SYT13: variants seen among roughly 807,000 people sequenced by gnomAD.
SYT13 encodes the protein synaptotagmin-13.
In SYT13, 21 loss-of-function variants were observed where a neutral mutation model predicts 38.6. The ratio of observed to expected loss-of-function variants is 0.54; its 90% confidence interval spans 0.39 to 0.78. SYT13 has a LOEUF of 0.78. Among genes scored for constraint, SYT13 ranks in the 30% least tolerant of loss-of-function variants. SYT13 has a pLI of 0.00. For synonymous variants in SYT13, 241 were observed against 237.6 expected (o/e 1.01, Z -0.13); for missense variants, 495 against 548.7 (o/e 0.90, Z 0.98).
At chr11:45,269,335 A>C (rs1854921526) in intron 1 of SYT13, 1 of 810,664 alleles carries the variant, frequency 1.2e-6, no homozygotes, top group Non-Finnish European at 1.6e-6. Flanking sequence ...AAACAAACAA[A>C]AAAACAAAAC....
intron 1 of SYT13, among the ~76,000 whole-genome samples, chr11:45,266,363 T>A (rs1342826430): frequency 6.6e-6 from 1 of 152,204 alleles, no homozygotes; most frequent in African/African-American, 2.4e-5. Context: ...TCTTACAAAT[T>A]CATATGAGTC....
At chr11:45,250,469 G>A (rs2863177) in intron 4 of SYT13, among the ~76,000 whole-genome samples, 2,014 of 152,350 alleles carry the variant, frequency 0.013, 41 homozygotes, top group African/African-American at 0.046. Context: ...CTAGGTGCCT[G>A]AGACTTCTGC....
intron 1 of SYT13, among the ~76,000 whole-genome samples, chr11:45,267,504 C>A (rs1854898729): frequency 6.6e-6 from 1 of 152,228 alleles, no homozygotes; most frequent in African/African-American, 2.4e-5. Context: ...CTAGGTGGAG[C>A]CTAAGGACGC....
chr11:45,250,539 A>C (rs942313936), intron 4 of SYT13, among the ~76,000 whole-genome samples: 1 of 152,204 alleles, frequency 6.6e-6, no homozygotes, highest in African/African-American at 2.4e-5. Flanking sequence ...CCAGCAGGGG[A>C]GTCTCTGCAT....
chr11:45,251,541 T>G (rs1447820786), intron 4 of SYT13, among the ~76,000 whole-genome samples: 1 of 152,126 alleles, frequency 6.6e-6, no homozygotes, highest in Non-Finnish European at 1.5e-5. Context: ...AGTATAGCAC[T>G]GCCAATCTGG....
chr11:45,252,847 G>T lies in SYT13; in HGVS notation c.545-125C>A. ...CGTGACCTTGGGTGTCAGAAAGGCT[G>T]ACCACCCTGGGCACCAGGGAATCGC... On this transcript the variant is annotated intron_variant, in intron 3 of 5. Coordinates refer to ENST00000020926, the MANE Select transcript of SYT13 (RefSeq NM_020826.3). The surrounding 1 kb of genome is among the most constrained non-coding windows in gnomAD (Gnocchi z 4.3). 2.0e-6 allele frequency: 2 copies of T among 993,718 alleles called. No homozygotes were observed. Among genetic ancestry groups the T allele is most frequent in the Non-Finnish European group, 2.8e-6 (2 of 703,828 alleles). 61.6% of individuals were successfully genotyped at this position (993,718 alleles called of 1,614,324 possible). A position where few individuals can be genotyped will look rare whatever the true frequency, so the allele number is the denominator to read the frequency against.
chr11:45,264,381 CA>C (rs769134112), intron 1 of SYT13, among the ~76,000 whole-genome samples: 13 of 152,036 alleles, frequency 8.6e-5, no homozygotes, highest in East Asian at 5.8e-4. Flanking sequence ...ATTAGATTAC[CA>C]AAAAAATGAC....
At chr11:45,258,188 G>A (rs572240191) in intron 1 of SYT13, among the ~76,000 whole-genome samples, 85 of 152,268 alleles carry the variant, frequency 5.6e-4, no homozygotes, top group African/African-American at 2.0e-3. Context: ...CATGGCTTTC[G>A]ACATTTTTCC....
At position 45,252,592 on chromosome 11, in the gene SYT13, C is replaced by T. The variant is rs1242565955; in HGVS notation, c.675G>A (p.Leu225=). 1 of 1,614,042 alleles carries T rather than the reference C, an allele frequency of 6.2e-7. No individual in the cohort carries two copies. Among genetic ancestry groups the T allele is most frequent in the Admixed American group, 1.7e-5 (1 of 60,006 alleles). The stretch of plus-strand genomic sequence containing the variant: ...GCTCCTCCTCCGCCAGGGGGAGCAC[C>T]AGGCCCTCCTCCCAGGTGGTGTGCA... The part of the protein sequence containing the change: ...RQLHTTWEEG[L]VLPLAEEELP... Residue 225 remains leucine (L), a synonymous_variant, in exon 4 of 6, where the codon CTG becomes CTA. Coordinates refer to ENST00000020926, the MANE Select transcript of SYT13 (RefSeq NM_020826.3). This position sits in a 1 kb window ranked among gnomAD's most constrained non-coding sequence, Gnocchi z 4.3.
At chr11:45,261,830 C>A (rs914640734) in intron 1 of SYT13, among the ~76,000 whole-genome samples, 1 of 148,900 alleles carries the variant, frequency 6.7e-6, no homozygotes, top group East Asian at 2.0e-4. Flanking sequence ...GCAGGAGAAT[C>A]GCTTGAACCC....
intron 4 of SYT13, among the ~76,000 whole-genome samples, chr11:45,250,613 C>T (rs1291325760): frequency 6.6e-6 from 1 of 152,174 alleles, no homozygotes; most frequent in Non-Finnish European, 1.5e-5. Context: ...CCCAGGATCC[C>T]CATCTGTGAT....
At position 45,284,847 on chromosome 11, in the gene SYT13, G is replaced by A. The variant is rs551742150; in HGVS notation, c.183+1178C>T. ...AAGTCCCACATTCTGCTGTGCAGCC[G>A]GCTCCTATTTAGCCACTGTCAATGT... On this transcript the variant is annotated intron_variant, in intron 1 of 5. Coordinates refer to ENST00000020926, the MANE Select transcript of SYT13 (RefSeq NM_020826.3). Among the ~76,000 whole-genome samples, 13 of 152,296 alleles carry A rather than the reference G, an allele frequency of 8.5e-5. No homozygotes were observed. In the East Asian group the frequency reaches 1.5e-3, roughly 18 times the overall value.
chr11:45,286,046 G>T lies in SYT13; in HGVS notation c.162C>A (p.Ser54Arg), dbSNP rs753457085. ...QDPDLEKAKP[S>R]LLGSAQQFNV... ...TCACCTGTTGTGCAGACCCGAGCAA[G>T]CTGGGCTTCGCCTTCTCCAGGTCGG... The change falls in exon 1 of 6, where the codon AGC becomes AGA. Residue 54 changes from serine to arginine, a missense_variant. Physicochemically the swap from Ser to Arg is moderately radical, Grantham distance 110. Transcript: ENST00000020926. 5.0e-6 allele frequency: 8 copies of T among 1,609,052 alleles called. No homozygotes were observed. The South Asian group carries it at 8.8e-5, about 18-fold the overall frequency.
chr11:45,279,998 C>G (rs1253303896), intron 1 of SYT13, among the ~76,000 whole-genome samples: 1 of 152,184 alleles, frequency 6.6e-6, no homozygotes. Context: ...CCCTGTGCTT[C>G]CCTGATCATG....
rs922472679 is a variant in SYT13, at chr11:45,241,574, T to C, written c.*2478A>G. 2 of 121,154 alleles carry C rather than the reference T, an allele frequency of 1.7e-5. No homozygotes were observed. The highest frequency in any genetic ancestry group is 1.1e-4 in the Admixed American group (1 of 8,844). 7.5% of individuals were successfully genotyped at this position (121,154 alleles called of 1,614,324 possible). A position where few individuals can be genotyped will look rare whatever the true frequency, so the allele number is the denominator to read the frequency against. On this transcript the variant is annotated 3_prime_UTR_variant, in exon 6 of 6. Transcript: ENST00000020926. ...TGCTTCATGACCAAATGATGATGGGTGGAGTTGATAATTCTGGGATCGGGG... is the reference window on the plus strand; with the variant it reads ...TGCTTCATGACCAAATGATGATGGGCGGAGTTGATAATTCTGGGATCGGGG...
intron 1 of SYT13, among the ~76,000 whole-genome samples, chr11:45,272,907 T>C (rs185693399): frequency 2.0e-5 from 3 of 152,256 alleles, no homozygotes; most frequent in African/African-American, 7.2e-5. Flanking sequence ...CTTGTGCAAA[T>C]AGAGGGTGTT....
At chr11:45,285,308 G>C (rs573402986) in intron 1 of SYT13, among the ~76,000 whole-genome samples, 1 of 152,318 alleles carries the variant, frequency 6.6e-6, no homozygotes, top group Admixed American at 6.5e-5. Flanking sequence ...CTGGCCATGA[G>C]CAAATGCATG....
At chr11:45,254,454 T>C in intron 2 of SYT13, 50 bp from the exon 3 acceptor site, 1 of 1,587,264 alleles carries the variant, frequency 6.3e-7, no homozygotes, top group Non-Finnish European at 8.6e-7. Flanking sequence ...GGGTTCTGCT[T>C]TCCTGATTAC....
intron 1 of SYT13, among the ~76,000 whole-genome samples, chr11:45,266,550 G>A (rs1854884144): frequency 1.3e-5 from 2 of 148,534 alleles, no homozygotes; most frequent in Non-Finnish European, 3.0e-5. Flanking sequence ...ACATCCTAAT[G>A]TCTGGACAAC....
Sources: allele counts gnomAD v4.1 joint callset (sites outside exome capture counted in the v4.1 genomes callset), GRCh38; gene constraint gnomAD v4.1.1; non-coding constraint Gnocchi (gnomAD v3.1); transcripts MANE v1.5; gene names NCBI Gene and HGNC (gene_info 2026-07-23, HGNC 2026-07-21).